Variants in SLC6A3 observed in about 807,000 individuals in gnomAD.
The protein encoded by SLC6A3 is sodium-dependent dopamine transporter.
A neutral mutation model predicts 70.4 loss-of-function variants in SLC6A3; 19 were observed. The ratio of observed to expected loss-of-function variants is 0.27; its 90% CI spans 0.19 to 0.40. The LOEUF (loss-of-function observed/expected upper bound fraction) is 0.40, where lower values mean the gene tolerates loss of function less well. Among genes scored for constraint, SLC6A3 ranks in the 10% least tolerant of loss-of-function variants. The pLI, the probability that SLC6A3 is intolerant of heterozygous loss-of-function variation, is 1.00. For synonymous variants in SLC6A3, 368 were observed against 356.6 expected (o/e 1.03, Z -0.36); for missense variants, 613 against 838.5 (o/e 0.73, Z 3.32).
intron 6 of SLC6A3, chr5:1,416,442 T>G: frequency 1.7e-6 from 1 of 595,406 alleles, no homozygotes. Flanking sequence ...GATCTGGGAT[T>G]CCCCATGGAG....
chr5:1,409,936 G>C, intron 9 of SLC6A3, 87 bp from the exon 10 acceptor site: 1 of 1,539,408 alleles, frequency 6.5e-7, no homozygotes, highest in Non-Finnish European at 8.9e-7. Context: ...CCCAGTGGAC[G>C]CACACCCGGG....
chr5:1,432,919 C>T (rs1756739339), intron 3 of SLC6A3, among the ~76,000 whole-genome samples: 1 of 152,122 alleles, frequency 6.6e-6, no homozygotes, highest in Non-Finnish European at 1.5e-5. Flanking sequence ...CTGCCCACTC[C>T]CCAAAACCAT....
chr5:1,393,638 A>G lies in SLC6A3; in HGVS notation c.*1097T>C, dbSNP rs11564775. On this transcript the variant is annotated 3_prime_UTR_variant, in exon 15 of 15. Transcript: ENST00000270349. Reference sequence around the variant, plus strand: ...ACGCTCCTGTGGGGGCCCTGCATGCATCCTGGGGTAGTACACGCTCCTGTG... The same window carrying G: ...ACGCTCCTGTGGGGGCCCTGCATGCGTCCTGGGGTAGTACACGCTCCTGTG... 3,164 of 45,940 alleles carry G rather than the reference A, an allele frequency of 0.069. 18 individuals are homozygous for G. The highest frequency in any genetic ancestry group is 0.1 in the African/African-American group (1,278 of 12,528). The allele number at this position is 45,940 out of a possible 1,614,324, so 2.8% of individuals were successfully genotyped here.
Position 1,443,226 on chromosome 5 carries a change from G to C in SLC6A3, c.-29C>G, listed in dbSNP as rs1421466516. 3 of 1,612,252 alleles carry C rather than the reference G, an allele frequency of 1.9e-6. No homozygotes were observed. The highest frequency in any genetic ancestry group is 2.5e-6 in the Non-Finnish European group (3 of 1,178,624). On this transcript the variant is annotated 5_prime_UTR_variant, in exon 2 of 15. Transcript: ENST00000270349. ...CACACTGGGAGTTGAGGAATTCTGT[G>C]CTTCTTCCCTCTTGGTCTTCAGCCA... is the stretch of plus-strand genomic sequence containing the variant.
At chr5:1,427,262 G>A (rs1420318901) in intron 4 of SLC6A3, among the ~76,000 whole-genome samples, 1 of 152,236 alleles carries the variant, frequency 6.6e-6, no homozygotes, top group Admixed American at 6.5e-5. Flanking sequence ...ATTGCACAAA[G>A]GATGTGAGGA....
rs1024405983 is a variant in SLC6A3, at chr5:1,414,948, A to G, written c.1032-133T>C. ...TTCGGAGGGGCTACTTTTCCCAGTGAGCACGGCCAGCTCCTTAGCAGCCTG... is the reference window on the plus strand; with the variant it reads ...TTCGGAGGGGCTACTTTTCCCAGTGGGCACGGCCAGCTCCTTAGCAGCCTG... On this transcript the variant is annotated intron_variant, in intron 7 of 14. Coordinates refer to ENST00000270349, the MANE Select transcript of SLC6A3 (RefSeq NM_001044.5). The G allele has an allele frequency of 3.6e-6, 4 of 1,108,466 alleles. No homozygotes were observed. The African/African-American group carries it at 6.1e-5, about 17-fold the overall frequency. The allele number at this position is 1,108,466 out of a possible 1,614,324, so 68.7% of individuals were successfully genotyped here.
Position 1,408,984 on chromosome 5 carries a change from A to C in SLC6A3, c.1498+42T>G. ...TCAGAAGGGGAGTGGCACAGCCACC[A>C]AACAAGAGGGTGCCGGCTTGGCTGC... On this transcript the variant is annotated intron_variant, in intron 11 of 14. Transcript: ENST00000270349. This position sits in a 1 kb window ranked among gnomAD's most constrained non-coding sequence, Gnocchi z 6.4. 7.1e-7 allele frequency: 1 copy of C among 1,410,628 alleles called. No homozygotes were observed. Among genetic ancestry groups the C allele is most frequent in the South Asian group, 1.2e-5 (1 of 86,420 alleles). The allele number at this position is 1,410,628 out of a possible 1,614,324, so 87.4% of individuals were successfully genotyped here. A position where few individuals can be genotyped will look rare whatever the true frequency, so the allele number is the denominator to read the frequency against.
chr5:1,420,933 A>C (rs1280615550), intron 5 of SLC6A3, among the ~76,000 whole-genome samples: 1 of 152,252 alleles, frequency 6.6e-6, no homozygotes, highest in Non-Finnish European at 1.5e-5. Context: ...ACAACTTGGC[A>C]GGGAAAGCAC....
chr5:1,414,582 C>G, intron 8 of SLC6A3, 109 bp downstream of exon 8: 3 of 1,305,018 alleles, frequency 2.3e-6, no homozygotes, highest in Non-Finnish European at 3.2e-6. Flanking sequence ...TCACTGAAGT[C>G]GCTCAGGGCC....
chr5:1,422,146 G>C (rs1756451383), intron 4 of SLC6A3, 132 bp from the exon 5 acceptor site: 1 of 1,013,314 alleles, frequency 9.9e-7, no homozygotes, highest in Non-Finnish European at 1.5e-6. Context: ...ATGGACAAGA[G>C]ATGCCTTCCA....
chr5:1,431,749 C>G (rs113767522), intron 4 of SLC6A3, among the ~76,000 whole-genome samples: 3 of 151,156 alleles, frequency 2.0e-5, no homozygotes, highest in African/African-American at 4.9e-5. Flanking sequence ...CAGTGAGGAA[C>G]TGGCCTGGCT....
At chr5:1,433,785 A>G (rs1756764770) in intron 3 of SLC6A3, among the ~76,000 whole-genome samples, 2 of 151,888 alleles carry the variant, frequency 1.3e-5, no homozygotes, top group African/African-American at 4.8e-5. Flanking sequence ...ACAACCATCC[A>G]TCCATCCACA....
intron 7 of SLC6A3, among the ~76,000 whole-genome samples, chr5:1,415,878 G>A (rs985597792): frequency 2.0e-5 from 3 of 152,218 alleles, no homozygotes; most frequent in Admixed American, 6.5e-5. Context: ...CCTCCCAGGA[G>A]GCGACACACC....
At chr5:1,425,209 C>T (rs1359436829) in intron 4 of SLC6A3, among the ~76,000 whole-genome samples, 4 of 152,212 alleles carry the variant, frequency 2.6e-5, no homozygotes, top group Non-Finnish European at 5.9e-5. Flanking sequence ...GGTGGTGATC[C>T]AGGCATGCTC....
intron 7 of SLC6A3, 149 bp from the exon 8 acceptor site, chr5:1,414,964 T>C (rs1756248891): frequency 1.0e-6 from 1 of 998,494 alleles, no homozygotes; most frequent in East Asian, 2.6e-5. Flanking sequence ...GCCAGCTCCT[T>C]AGCAGCCTGG....
Position 1,408,305 on chromosome 5 carries a change from G to T in SLC6A3, c.1498+721C>A, listed in dbSNP as rs1477515656. Among the ~76,000 whole-genome samples the T allele has an allele frequency of 1.3e-5, 2 of 151,062 alleles. No individual in the cohort carries two copies. The highest frequency in any genetic ancestry group is 4.9e-5 in the African/African-American group (2 of 40,956). On this transcript the variant is annotated intron_variant, in intron 11 of 14. Coordinates refer to ENST00000270349, the MANE Select transcript of SLC6A3 (RefSeq NM_001044.5). The surrounding 1 kb of genome is among the most constrained non-coding windows in gnomAD (Gnocchi z 6.4). ...GATCTGCCCACCTCGGCCTCCCAAA[G>T]TGCTGGGATTACAGGCGTGAGTCAC...
At position 1,403,044 on chromosome 5, in the gene SLC6A3, C is replaced by T. The variant is rs1221412674; in HGVS notation, c.1645G>A (p.Gly549Arg). 4 of 1,613,956 alleles carry T rather than the reference C, an allele frequency of 2.5e-6. No individual in the cohort carries two copies. Among genetic ancestry groups the T allele is most frequent in the East Asian group, 2.2e-5 (1 of 44,882 alleles). The change falls in exon 13 of 15, where the codon GGA (glycine) becomes AGA (arginine). Residue 549 changes from glycine (G) to arginine (R), a missense_variant. Gly to Arg is a moderately radical substitution (Grantham distance 125). Coordinates refer to ENST00000270349, the MANE Select transcript of SLC6A3 (RefSeq NM_001044.5). ...SIVTFRPPHY[G>R]AYIFPDWANA... The stretch of plus-strand genomic sequence containing the variant: ...GCCCAGTCGGGGAAGATGTAGGCTC[C>T]GTAGTGGGGGGGTCTGAAGGTCACA...
intron 1 of SLC6A3, among the ~76,000 whole-genome samples, 167 bp downstream of exon 1, chr5:1,445,181 G>A (rs917071302): frequency 3.3e-5 from 5 of 152,264 alleles, no homozygotes; most frequent in African/African-American, 7.2e-5. Flanking sequence ...TGGCGCTATC[G>A]GGGGGCGCTC....
In SLC6A3 at chr5:1,400,814, C is replaced by T. The variant is rs1029640224; in HGVS notation, c.1839+101G>A. 6 of 869,816 alleles carry T rather than the reference C, an allele frequency of 6.9e-6. No homozygotes were observed. In the African/African-American group the frequency reaches 8.2e-5, roughly 12 times the overall value. 53.9% of individuals were successfully genotyped at this position (869,816 alleles called of 1,614,324 possible). On this transcript the variant is annotated intron_variant, in intron 14 of 14. Coordinates refer to ENST00000270349, the MANE Select transcript of SLC6A3 (RefSeq NM_001044.5). ...CACATGCTGGCTGAGTAAATGAGCA[C>T]CATCTACACCAGCCTCGGAGCCCCC...
Sources: allele counts gnomAD v4.1 joint callset (sites outside exome capture counted in the v4.1 genomes callset), GRCh38; gene constraint gnomAD v4.1.1; non-coding constraint Gnocchi (gnomAD v3.1); transcripts MANE v1.5; gene names NCBI Gene and HGNC (gene_info 2026-07-23, HGNC 2026-07-21).